Variants in CNBD1 observed in about 807,000 individuals in gnomAD.
CNBD1 encodes cyclic nucleotide binding domain containing 1, also known as cyclic nucleotide-binding domain-containing protein 1.
A neutral mutation model predicts 54.4 loss-of-function variants in CNBD1; 71 were observed. That is an observed-to-expected ratio of 1.30 (90% CI 1.08 to 1.59). The LOEUF is 1.59. Among genes scored for constraint, CNBD1 ranks in the 40% most tolerant of loss-of-function variants. The pLI, the probability that CNBD1 is intolerant of heterozygous loss-of-function variation, is 0.00. For missense variants in CNBD1, 659 were observed against 518.0 expected (o/e 1.27, Z -2.64); for synonymous variants, 182 against 170.7 (o/e 1.07, Z -0.51).
chr8:87,187,244 T>C (rs913055407), intron 4 of CNBD1, among the ~76,000 whole-genome samples: 1 of 151,894 alleles, frequency 6.6e-6, no homozygotes, highest in African/African-American at 2.4e-5. Flanking sequence ...TATATAAATA[T>C]TTAAATTATG....
intron 2 of CNBD1, among the ~76,000 whole-genome samples, chr8:86,904,361 A>G (rs977055688): frequency 6.6e-6 from 1 of 152,058 alleles, no homozygotes; most frequent in Admixed American, 6.6e-5. Flanking sequence ...TGAAAATTGA[A>G]TTAGGTGGAT....
chr8:87,344,585 C>T (rs1311583546), intron 8 of CNBD1, among the ~76,000 whole-genome samples: 1 of 151,924 alleles, frequency 6.6e-6, no homozygotes, highest in African/African-American at 2.4e-5. Context: ...TAAAATAAAT[C>T]TCTTTACTAC....
rs1563833533 is a variant in CNBD1, at chr8:86,949,960, T to TTTG, written c.431+10208_431+10209insGTT. Among the ~76,000 whole-genome samples, 18 of 130,590 alleles carry TTTG rather than the reference T, an allele frequency of 1.4e-4. 4 individuals carry two copies. The highest frequency in any genetic ancestry group is 5.4e-4 in the South Asian group (2 of 3,690). The allele number at this position is 130,590 out of a possible 152,430, so 85.7% of individuals were successfully genotyped here. Reference sequence around the variant, plus strand: ...CTTCATCAAATGCTTTTTTTTTTTTTTTTTTTTTTTTTTTGAGATGGAGTC... The same window carrying TTTG: ...CTTCATCAAATGCTTTTTTTTTTTTTTTGTTTTTTTTTTTTTTGAGATGGAGTC... On this transcript the variant is annotated intron_variant, in intron 4 of 10. Coordinates refer to ENST00000518476, the MANE Select transcript of CNBD1 (RefSeq NM_173538.3).
At chr8:87,307,706 C>T (rs532836538) in intron 8 of CNBD1, among the ~76,000 whole-genome samples, 1 of 146,606 alleles carries the variant, frequency 6.8e-6, no homozygotes, top group South Asian at 2.1e-4. Context: ...CCATTGCATT[C>T]CAGCCTGGGC....
At chr8:87,421,666 G>A (rs1236751691) in intron 2 of CNBD1, among the ~76,000 whole-genome samples, 3 of 151,376 alleles carry the variant, frequency 2.0e-5, no homozygotes, top group Non-Finnish European at 4.4e-5. Context: ...TCTTAATCCA[G>A]TCTATCATTG....
At chr8:87,268,759 C>A (rs1354605878) in intron 6 of CNBD1, among the ~76,000 whole-genome samples, 3 of 152,008 alleles carry the variant, frequency 2.0e-5, no homozygotes, top group Non-Finnish European at 2.9e-5. Flanking sequence ...ATGTCCTTTG[C>A]CCATTTTTAA....
At chr8:87,192,372 C>A (rs1340639012) in intron 4 of CNBD1, among the ~76,000 whole-genome samples, 3 of 152,096 alleles carry the variant, frequency 2.0e-5, no homozygotes, top group Non-Finnish European at 4.4e-5. Flanking sequence ...ACATCTCCTG[C>A]CCTAACTCAA....
At chr8:86,961,090 T>A (rs78547243) in intron 4 of CNBD1, among the ~76,000 whole-genome samples, 6,523 of 152,274 alleles carry the variant, frequency 0.043, 149 homozygotes, top group Non-Finnish European at 0.045. Context: ...AAAGCTAGCC[T>A]GTTTATATAT....
intron 10 of CNBD1, among the ~76,000 whole-genome samples, chr8:87,355,538 T>A (rs1810403395): frequency 6.6e-6 from 1 of 152,048 alleles, no homozygotes; most frequent in Non-Finnish European, 1.5e-5. Context: ...AATACTCAAA[T>A]TGGAAATACA....
At chr8:86,884,953 A>G (rs550625714) in intron 1 of CNBD1, among the ~76,000 whole-genome samples, 1 of 152,266 alleles carries the variant, frequency 6.6e-6, no homozygotes, top group African/African-American at 2.4e-5. Flanking sequence ...ATTTTTTTCT[A>G]GGGCTATGCT....
At chr8:87,412,122 GT>G (rs964234857) in intron 2 of CNBD1, among the ~76,000 whole-genome samples, 1 of 151,836 alleles carries the variant, frequency 6.6e-6, no homozygotes, top group African/African-American at 2.4e-5. Flanking sequence ...AGGAACCTGA[GT>G]TTTTTTCATT....
chr8:87,210,696 G>A (rs555956462), intron 5 of CNBD1, among the ~76,000 whole-genome samples: 1 of 152,292 alleles, frequency 6.6e-6, no homozygotes, highest in African/African-American at 2.4e-5. Context: ...CATGTAGACT[G>A]CAACAGTGAA....
At chr8:86,897,901 A>G (rs10955097) in intron 2 of CNBD1, among the ~76,000 whole-genome samples, 72,019 of 151,936 alleles carry the variant, frequency 0.47, 17,867 homozygotes, top group South Asian at 0.6. Flanking sequence ...ATAAATAGGA[A>G]GGCATTTACA....
At chr8:86,904,649 ATC>A (rs2131807942) in intron 2 of CNBD1, among the ~76,000 whole-genome samples, 1 of 152,208 alleles carries the variant, frequency 6.6e-6, no homozygotes, top group East Asian at 1.9e-4. Context: ...CTTGTAACAT[ATC>A]TTTATTCTAG....
intron 8 of CNBD1, among the ~76,000 whole-genome samples, chr8:87,338,483 G>GT (rs1809999923): frequency 6.6e-6 from 1 of 151,588 alleles, no homozygotes; most frequent in Non-Finnish European, 1.5e-5. Context: ...TTGTTGTTTT[G>GT]TTTTGTTTTG....
At chr8:87,420,638 A>G (rs1807914419) in intron 2 of CNBD1, among the ~76,000 whole-genome samples, 1 of 151,772 alleles carries the variant, frequency 6.6e-6, no homozygotes, top group South Asian at 2.1e-4. Context: ...CTTAACGACC[A>G]CTCTCTTTCA....
At chr8:87,150,163 C>CAA (rs1311275524) in intron 4 of CNBD1, among the ~76,000 whole-genome samples, 2 of 151,108 alleles carry the variant, frequency 1.3e-5, no homozygotes, top group African/African-American at 4.9e-5. Flanking sequence ...GGTGACAGAG[C>CAA]AAGACTCTGT....
intron 4 of CNBD1, among the ~76,000 whole-genome samples, chr8:87,037,004 C>T (rs190160078): frequency 3.9e-5 from 6 of 152,260 alleles, no homozygotes; most frequent in African/African-American, 1.2e-4. Flanking sequence ...CTTCTTAATA[C>T]TGAAGGCAGG....
intron 8 of CNBD1, among the ~76,000 whole-genome samples, chr8:87,320,715 T>C (rs1809507267): frequency 6.6e-6 from 1 of 152,148 alleles, no homozygotes; most frequent in South Asian, 2.1e-4. Context: ...ATTTATTTTT[T>C]ACTGTGATAA....
Sources: gnomAD v4.1 joint callset for allele counts (sites outside exome capture counted in the v4.1 genomes callset) on GRCh38, gnomAD v4.1.1 for gene constraint, MANE v1.5 for transcripts, NCBI Gene and HGNC (gene_info 2026-07-23, HGNC 2026-07-21) for gene names.